Variants in SAMD3 observed in about 807,000 individuals in gnomAD.
SAMD3 encodes the protein sterile alpha motif domain-containing protein 3.
Under a neutral mutation model 58.5 loss-of-function variants are expected in SAMD3, and 63 were observed. The observed-to-expected ratio is 1.08, with a 90% confidence interval of 0.88 to 1.33. The LOEUF (loss-of-function observed/expected upper bound fraction) is 1.33, where lower values mean the gene tolerates loss of function less well. Ranked by LOEUF, SAMD3 falls within the 40% of genes most tolerant of loss-of-function variation. The pLI is 0.00. For missense variants in SAMD3, 604 were observed against 608.4 expected (o/e 0.99, Z 0.08); for synonymous variants, 220 against 210.3 (o/e 1.05, Z -0.40).
chr6:130,151,732 T>C lies in SAMD3; in HGVS notation c.1023+3093A>G, dbSNP rs1789209864. 2.6e-5 allele frequency among the ~76,000 whole-genome samples: 4 copies of C among 152,314 alleles called. No homozygotes were observed. The South Asian group carries it at 6.2e-4, about 24-fold the overall frequency. ...CTGGGATTACAGGCATGAGCCACCA[T>C]GCCTGGCCGATTTTTTTAATTTTTT... On this transcript the variant is annotated intron_variant, in intron 9 of 11. Transcript: ENST00000439090.
chr6:130,181,453 T>C (rs1223250127), intron 7 of SAMD3, among the ~76,000 whole-genome samples: 4 of 152,182 alleles, frequency 2.6e-5, no homozygotes, highest in Admixed American at 1.3e-4. Context: ...GAGTTTCTCC[T>C]TCTACTCTAT....
rs557083915 is a variant in SAMD3 at position 130,220,191 on chromosome 6, G to A, written c.-68+2503C>T. On this transcript the variant is annotated intron_variant, in intron 1 of 11. Transcript: ENST00000439090. ...TAATTTTTGTATATTTAGTGGAAAT[G>A]GGGTTTCACCATGTTGGCCAGGTTG... Among the ~76,000 whole-genome samples the A allele has an allele frequency of 1.3e-4, 20 of 152,168 alleles. No individual in the cohort carries two copies. The South Asian group carries it at 1.9e-3, about 14-fold the overall frequency.
chr6:130,168,377 G>T (rs1372009359), intron 8 of SAMD3, among the ~76,000 whole-genome samples: 2 of 152,184 alleles, frequency 1.3e-5, no homozygotes, highest in Non-Finnish European at 2.9e-5. Flanking sequence ...AGAGGTTGCA[G>T]TGAGCCAAGA....
chr6:130,355,097 T>C (rs1777786534), intron 1 of SAMD3, among the ~76,000 whole-genome samples: 1 of 152,184 alleles, frequency 6.6e-6, no homozygotes, highest in Non-Finnish European at 1.5e-5. Context: ...ATGCCATCTG[T>C]AGCAGCACCT....
chr6:130,244,847 G>T (rs891019495), intron 2 of SAMD3, among the ~76,000 whole-genome samples: 1 of 152,144 alleles, frequency 6.6e-6, no homozygotes, highest in Non-Finnish European at 1.5e-5. Flanking sequence ...TGGTGCTGTA[G>T]AATCACATAG....
At chr6:130,337,866 T>C (rs1018503293) in intron 1 of SAMD3, among the ~76,000 whole-genome samples, 5 of 152,156 alleles carry the variant, frequency 3.3e-5, no homozygotes. Context: ...GCATAAAAGT[T>C]TGGAAAATTT....
chr6:130,314,751 C>G (rs879914711), intron 1 of SAMD3, among the ~76,000 whole-genome samples: 1 of 152,094 alleles, frequency 6.6e-6, no homozygotes, highest in Non-Finnish European at 1.5e-5. Context: ...AGTAAAATTC[C>G]GTCAATAGGG....
At chr6:130,332,118 G>T (rs565203269) in intron 1 of SAMD3, among the ~76,000 whole-genome samples, 1 of 152,350 alleles carries the variant, frequency 6.6e-6, no homozygotes, top group South Asian at 2.1e-4. Flanking sequence ...TAGAACAGAG[G>T]TGATAAGCTT....
At chr6:130,191,731 T>C (rs1324546212) in intron 5 of SAMD3, among the ~76,000 whole-genome samples, 1 of 152,120 alleles carries the variant, frequency 6.6e-6, no homozygotes. Flanking sequence ...TTTTTACTTC[T>C]ACAAATAAAA....
At chr6:130,336,023 G>A (rs1224986967) in intron 1 of SAMD3, among the ~76,000 whole-genome samples, 3 of 152,138 alleles carry the variant, frequency 2.0e-5, no homozygotes, top group African/African-American at 2.4e-5. Context: ...GTGGGGTGGG[G>A]GAAGTGGGGA....
At chr6:130,310,817 C>T (rs1776124998) in intron 2 of SAMD3, among the ~76,000 whole-genome samples, 1 of 152,168 alleles carries the variant, frequency 6.6e-6, no homozygotes, top group South Asian at 2.1e-4. Context: ...AACATAGCCA[C>T]TAATTTTTTC....
At chr6:130,266,310 T>A (rs1044444509) in intron 2 of SAMD3, among the ~76,000 whole-genome samples, 1 of 152,164 alleles carries the variant, frequency 6.6e-6, no homozygotes, top group Admixed American at 6.5e-5. Context: ...CTTCATGTTA[T>A]GTATGTGGAG....
chr6:130,276,123 G>A (rs114637322), intron 2 of SAMD3, among the ~76,000 whole-genome samples: 2,130 of 152,092 alleles, frequency 0.014, 25 homozygotes, highest in African/African-American at 0.024. Flanking sequence ...TTGGAATTAC[G>A]TACTTTGAAA....
chr6:130,316,640 A>G (rs1583095049), intron 1 of SAMD3, among the ~76,000 whole-genome samples: 1 of 152,120 alleles, frequency 6.6e-6, no homozygotes, highest in Non-Finnish European at 1.5e-5. Flanking sequence ...GCCCAAGTGT[A>G]TGCTCTATTA....
chr6:130,215,511 T>A (rs1795952785), intron 2 of SAMD3: 1 of 1,332,872 alleles, frequency 7.5e-7, no homozygotes, highest in East Asian at 2.8e-5. Flanking sequence ...TTTCCTAGCA[T>A]CCCATTTCTC....
At chr6:130,169,761 T>A (rs554181452) in intron 8 of SAMD3, among the ~76,000 whole-genome samples, 5 of 152,312 alleles carry the variant, frequency 3.3e-5, no homozygotes, top group African/African-American at 1.2e-4. Context: ...TAAAAGATGA[T>A]GTGTCAACAC....
At chr6:130,182,276 G>C (rs905412598) in intron 7 of SAMD3, among the ~76,000 whole-genome samples, 10 of 151,714 alleles carry the variant, frequency 6.6e-5, no homozygotes, top group Non-Finnish European at 1.5e-5. Context: ...TGTTTTTTTA[G>C]AGGAAATTCA....
chr6:130,185,627 A>AGTTTT (rs768062843), intron 5 of SAMD3, among the ~76,000 whole-genome samples: 1 of 142,824 alleles, frequency 7.0e-6, no homozygotes, highest in Non-Finnish European at 1.5e-5. Flanking sequence ...GCATCTGCCC[A>AGTTTT]ATTTTTTTTT....
At chr6:130,288,619 T>C (rs1478758531) in intron 2 of SAMD3, among the ~76,000 whole-genome samples, 6 of 152,174 alleles carry the variant, frequency 3.9e-5, no homozygotes, top group African/African-American at 1.4e-4. Context: ...CCTCCACCAA[T>C]GTAAAAGGAG....
Sources: allele counts gnomAD v4.1 joint callset (sites outside exome capture counted in the v4.1 genomes callset), GRCh38; gene constraint gnomAD v4.1.1; transcripts MANE v1.5; gene names NCBI Gene and HGNC (gene_info 2026-07-23, HGNC 2026-07-21).